Variants in NPAS2 observed in about 807,000 individuals in gnomAD.
NPAS2 encodes the protein neuronal PAS domain-containing protein 2.
Under a neutral mutation model 107.5 loss-of-function variants are expected in NPAS2, and 23 were observed. The observed-to-expected ratio is 0.21, with a 90% CI of 0.15 to 0.30. The LOEUF (loss-of-function observed/expected upper bound fraction) is 0.30. NPAS2 is among the 10% of genes least tolerant of loss of function. The pLI is 1.00. For missense variants in NPAS2, 756 were observed against 1,043.3 expected (o/e 0.72, Z 3.79); for synonymous variants, 403 against 417.5 (o/e 0.97, Z 0.42).
chr2:100,949,490 A>G lies in NPAS2; in HGVS notation c.598+10A>G, dbSNP rs757385396. On this transcript the variant is annotated intron_variant, in intron 7 of 20. Coordinates refer to ENST00000335681, the MANE Select transcript of NPAS2 (RefSeq NM_002518.4). ...CGCTCTTACAACAATGGTAAGCTTT[A>G]ATTGTCATATAATTGTGACAGTGTC... The G allele has an allele frequency of 7.1e-7, 1 of 1,418,068 alleles. No individual in the cohort carries two copies. Among genetic ancestry groups the G allele is most frequent in the Non-Finnish European group, 1.0e-6 (1 of 1,002,248 alleles). 87.8% of individuals were successfully genotyped at this position (1,418,068 alleles called of 1,614,324 possible).
At chr2:100,922,512 G>A (rs1683293637) in intron 2 of NPAS2, among the ~76,000 whole-genome samples, 1 of 152,164 alleles carries the variant, frequency 6.6e-6, no homozygotes, top group Non-Finnish European at 1.5e-5. Flanking sequence ...GAACCCGGGA[G>A]GTGGAGGTTG....
chr2:100,878,245 T>C (rs1045318533), intron 1 of NPAS2: 2 of 985,154 alleles, frequency 2.0e-6, no homozygotes, highest in Non-Finnish European at 2.4e-6. Flanking sequence ...CAAAAAAATA[T>C]AGAGGACTGT....
intron 5 of NPAS2, among the ~76,000 whole-genome samples, chr2:100,947,590 C>A (rs1399151080): frequency 6.6e-6 from 1 of 151,734 alleles, no homozygotes; most frequent in Non-Finnish European, 1.5e-5. Flanking sequence ...GTTCCTTGTT[C>A]ACACTAGCCA....
At chr2:100,860,291 G>A (rs1164776269) in intron 1 of NPAS2, among the ~76,000 whole-genome samples, 1 of 152,168 alleles carries the variant, frequency 6.6e-6, no homozygotes, top group Non-Finnish European at 1.5e-5. Context: ...TTCAGATTCT[G>A]TACTTCTGGC....
chr2:100,921,147 A>G (rs1399021019), intron 2 of NPAS2, among the ~76,000 whole-genome samples: 1 of 152,230 alleles, frequency 6.6e-6, no homozygotes, highest in Non-Finnish European at 1.5e-5. Context: ...AGGGAGCTGT[A>G]GGAAGTGGCA....
intron 1 of NPAS2, among the ~76,000 whole-genome samples, chr2:100,843,929 T>A (rs1047387793): frequency 6.6e-6 from 1 of 152,170 alleles, no homozygotes; most frequent in African/African-American, 2.4e-5. Flanking sequence ...CCAGCACCCA[T>A]GTCCTCCGTT....
intron 1 of NPAS2, among the ~76,000 whole-genome samples, chr2:100,903,469 T>C (rs1190280393): frequency 1.3e-5 from 2 of 152,244 alleles, no homozygotes; most frequent in Non-Finnish European, 2.9e-5. Flanking sequence ...TTGCTTTGGC[T>C]CAGACCCATG....
chr2:100,933,947 C>G (rs1234697165), intron 4 of NPAS2, among the ~76,000 whole-genome samples: 1 of 152,098 alleles, frequency 6.6e-6, no homozygotes, highest in Non-Finnish European at 1.5e-5. Context: ...TCTTATGTGC[C>G]TATATAAGAC....
intron 1 of NPAS2, among the ~76,000 whole-genome samples, chr2:100,895,106 G>GTA (rs67995774): frequency 3.2e-4 from 38 of 119,790 alleles, no homozygotes; most frequent in Non-Finnish European, 5.5e-4. Flanking sequence ...TCCATCATGC[G>GTA]TACACACACA....
chr2:100,842,095 A>G (rs1287642276), intron 1 of NPAS2, among the ~76,000 whole-genome samples: 9 of 151,978 alleles, frequency 5.9e-5, no homozygotes, highest in South Asian at 2.1e-4. Context: ...ACACACACAC[A>G]CACACACACA....
chr2:100,856,949 C>T (rs1193280808), intron 1 of NPAS2, among the ~76,000 whole-genome samples: 1 of 152,138 alleles, frequency 6.6e-6, no homozygotes, highest in Non-Finnish European at 1.5e-5. Flanking sequence ...TGCATTTCTG[C>T]CAGAATTGGG....
At chr2:100,902,242 A>T (rs1315210285) in intron 1 of NPAS2, among the ~76,000 whole-genome samples, 1 of 151,996 alleles carries the variant, frequency 6.6e-6, no homozygotes, top group Non-Finnish European at 1.5e-5. Context: ...TCCAGATCCT[A>T]TTATTAAGTA....
chr2:100,820,210 C>T lies in NPAS2; in HGVS notation c.-227C>T, dbSNP rs1175780247. The T allele has an allele frequency of 6.7e-6, 1 of 150,272 alleles. No individual in the cohort carries two copies. Among genetic ancestry groups the T allele is most frequent in the African/African-American group, 2.4e-5 (1 of 40,938 alleles). 9.3% of individuals were successfully genotyped at this position (150,272 alleles called of 1,614,324 possible). A position where few individuals can be genotyped will look rare whatever the true frequency, so the allele number is the denominator to read the frequency against. On this transcript the variant is annotated 5_prime_UTR_variant, in exon 1 of 21. Transcript: ENST00000335681. This position sits in a 1 kb window ranked among gnomAD's most constrained non-coding sequence, Gnocchi z 5.6. ...CCGAGGGACCCGCGCGGCTGCGGCC[C>T]AGGAGCGGCGGCCGCGGAGCCCGGA...
chr2:100,990,236 T>C lies in NPAS2; in HGVS notation c.1828-20T>C, dbSNP rs753454075. 5.0e-6 allele frequency: 8 copies of C among 1,612,076 alleles called. No homozygotes were observed. The highest frequency in any genetic ancestry group is 1.7e-4 in the Middle Eastern group (1 of 6,050). The stretch of plus-strand genomic sequence containing the variant: ...GGGTTGAGTCCAAGTCTTACCTTTC[T>C]CATTGAAATGATGCTCCAGGGTCCA... On this transcript the variant is annotated intron_variant, in intron 17 of 20. Coordinates refer to ENST00000335681, the MANE Select transcript of NPAS2 (RefSeq NM_002518.4).
At chr2:100,853,318 A>T (rs767307076) in intron 1 of NPAS2, among the ~76,000 whole-genome samples, 7 of 152,182 alleles carry the variant, frequency 4.6e-5, no homozygotes, top group Admixed American at 3.3e-4. Flanking sequence ...TGTAAATTTC[A>T]ATTTACATTT....
rs1676006385 is a variant in NPAS2 at position 100,820,377 on chromosome 2, G to A, written c.-60G>A. On this transcript the variant is annotated 5_prime_UTR_variant, in exon 1 of 21. Transcript: ENST00000335681. The surrounding 1 kb of genome is among the most constrained non-coding windows in gnomAD (Gnocchi z 5.6). ...GAGGCGCGTCTCCCCGGCCCAGTCC[G>A]CGCCCGGCCCCGCGGGGCCGCTCCG... is the stretch of plus-strand genomic sequence containing the variant. 6.7e-6 allele frequency: 1 copy of A among 148,714 alleles called. No homozygotes were observed. The highest frequency in any genetic ancestry group is 2.4e-5 in the African/African-American group (1 of 40,898). The allele number at this position is 148,714 out of a possible 1,614,324, so 9.2% of individuals were successfully genotyped here.
chr2:100,820,718 G>A lies in NPAS2; in HGVS notation c.-23+304G>A, dbSNP rs1000526937. On this transcript the variant is annotated intron_variant, in intron 1 of 20. Transcript: ENST00000335681. This position sits in a 1 kb window ranked among gnomAD's most constrained non-coding sequence, Gnocchi z 5.6. ...TGGGCATCCGAGCCTCGGAATTTGG[G>A]GGTCCTCGGGGTGTCCGACAGGGTG... is the stretch of plus-strand genomic sequence containing the variant. Among the ~76,000 whole-genome samples, 15 of 152,286 alleles carry A rather than the reference G, an allele frequency of 9.8e-5. No homozygotes were observed. The East Asian group carries it at 2.9e-3, about 30-fold the overall frequency.
intron 2 of NPAS2, among the ~76,000 whole-genome samples, chr2:100,920,905 C>T (rs1218821327): frequency 6.6e-6 from 1 of 152,234 alleles, no homozygotes; most frequent in African/African-American, 2.4e-5. Flanking sequence ...AAAGGCCACT[C>T]CTCCTAGGAG....
chr2:100,832,293 T>G (rs1676791046), intron 1 of NPAS2, among the ~76,000 whole-genome samples: 1 of 152,178 alleles, frequency 6.6e-6, no homozygotes, highest in Non-Finnish European at 1.5e-5. Context: ...TGTATCTCCC[T>G]TCCCACCCTG....
Sources: gnomAD v4.1 joint callset for allele counts (sites outside exome capture counted in the v4.1 genomes callset) on GRCh38, gnomAD v4.1.1 for gene constraint, Gnocchi (gnomAD v3.1) non-coding constraint, MANE v1.5 for transcripts, NCBI Gene and HGNC (gene_info 2026-07-23, HGNC 2026-07-21) for gene names.